CLIP1: variants seen among roughly 807,000 people sequenced by gnomAD.
The protein encoded by CLIP1 is CAP-Gly domain containing linker protein 1.
A neutral mutation model predicts 161.6 loss-of-function variants in CLIP1; 66 were observed. The observed-to-expected ratio is 0.41, with a 90% CI of 0.33 to 0.50. The LOEUF (loss-of-function observed/expected upper bound fraction) is 0.50. Ranked by LOEUF, CLIP1 falls within the 20% of genes least tolerant of loss-of-function variation. The pLI is 0.27. For missense variants in CLIP1, 1,376 were observed against 1,702.0 expected (o/e 0.81, Z 3.37); for synonymous variants, 598 against 626.2 (o/e 0.96, Z 0.67).
chr12:122,376,408 C>G (rs138894357), intron 3 of CLIP1, among the ~76,000 whole-genome samples: 81 of 152,096 alleles, frequency 5.3e-4, no homozygotes, highest in African/African-American at 1.9e-3. Context: ...GTGTTTCTGC[C>G]TGTCATGTGG....
At position 122,361,141 on chromosome 12, in the gene CLIP1, C is replaced by T. The variant is rs759362607; in HGVS notation, c.823G>A (p.Val275Ile). Residue 275 changes from valine (V) to isoleucine (I), a missense_variant, in exon 5 of 26, where the codon GTC becomes ATC. Physicochemically the swap from Val to Ile is conservative, Grantham distance 29 (BLOSUM62 3). Transcript: ENST00000620786. ...CQPKYGLFAP[V>I]HKVTKIGFPS... ...AAGCCAATCTTGGTAACTTTGTGGA[C>T]AGGAGCGAACAAGCCATATTTGGGT... 2 of 1,613,902 alleles carry T rather than the reference C, an allele frequency of 1.2e-6. No homozygotes were observed. Among genetic ancestry groups the T allele is most frequent in the African/African-American group, 1.3e-5 (1 of 74,946 alleles).
rs1011668084 is a variant in CLIP1 at position 122,355,521 on chromosome 12, G to C, written c.1006-209C>G. On this transcript the variant is annotated intron_variant, in intron 5 of 25. Coordinates refer to ENST00000620786, the MANE Select transcript of CLIP1 (RefSeq NM_001247997.2). The surrounding 1 kb of genome is among the most constrained non-coding windows in gnomAD (Gnocchi z 4.1). ...CTCACAAAGAATACATCAACGTAAA[G>C]AGATCAGCCAGGTGCGGTGGCTCAT... 2 of 554,774 alleles carry C rather than the reference G, an allele frequency of 3.6e-6. No homozygotes were observed. Among genetic ancestry groups the C allele is most frequent in the Non-Finnish European group, 6.5e-6 (2 of 309,082 alleles). The allele number at this position is 554,774 out of a possible 1,614,324, so 34.4% of individuals were successfully genotyped here.
At chr12:122,325,122 G>A (rs958221609) in intron 17 of CLIP1, among the ~76,000 whole-genome samples, 11 of 150,116 alleles carry the variant, frequency 7.3e-5, no homozygotes, top group Admixed American at 3.3e-4. Context: ...GCAATGGTGC[G>A]ATCTTGGCTC....
chr12:122,321,106 A>G (rs2136651649), intron 17 of CLIP1, among the ~76,000 whole-genome samples: 1 of 152,234 alleles, frequency 6.6e-6, no homozygotes, highest in South Asian at 2.1e-4. Flanking sequence ...AAAGTTTATG[A>G]AAATTCTGCA....
intron 5 of CLIP1, 38 bp downstream of exon 5, chr12:122,360,921 C>T: frequency 1.3e-6 from 2 of 1,553,602 alleles, no homozygotes; most frequent in Non-Finnish European, 1.7e-6. Context: ...TTAATCCTGC[C>T]TGGGAAGTGG....
rs567047509 is a variant in CLIP1, at chr12:122,415,606, G to A, written c.-107+6915C>T. Reference sequence around the variant, plus strand: ...GGCCAAGGCGGGTGGATCACCTGAGGTCAGGAGTTTGAGACCAACCTGGCC... The same window carrying A: ...GGCCAAGGCGGGTGGATCACCTGAGATCAGGAGTTTGAGACCAACCTGGCC... On this transcript the variant is annotated intron_variant, in intron 1 of 25. Coordinates refer to ENST00000620786, the MANE Select transcript of CLIP1 (RefSeq NM_001247997.2). Among the ~76,000 whole-genome samples, 4 of 152,170 alleles carry A rather than the reference G, an allele frequency of 2.6e-5. No individual in the cohort carries two copies. In the East Asian group the frequency reaches 7.7e-4, roughly 29 times the overall value.
chr12:122,296,781 T>C (rs1327496614), intron 20 of CLIP1, among the ~76,000 whole-genome samples: 2 of 151,212 alleles, frequency 1.3e-5, no homozygotes, highest in African/African-American at 4.9e-5. Flanking sequence ...GGAGGATTCC[T>C]TGAGCCTTAT....
Position 122,355,469 on chromosome 12 carries a change from G to A in CLIP1, c.1006-157C>T. 1 of 619,310 alleles carries A rather than the reference G, an allele frequency of 1.6e-6. No homozygotes were observed. Among genetic ancestry groups the A allele is most frequent in the Non-Finnish European group, 2.9e-6 (1 of 347,236 alleles). 38.4% of individuals were successfully genotyped at this position (619,310 alleles called of 1,614,324 possible). On this transcript the variant is annotated intron_variant, in intron 5 of 25. Transcript: ENST00000620786. The surrounding 1 kb of genome is among the most constrained non-coding windows in gnomAD (Gnocchi z 4.1). The stretch of plus-strand genomic sequence containing the variant: ...AGGAAAGGCTTCCTCAAAAACACAA[G>A]ACAGTGTGTGCCTTCTGTCTATAAA...
intron 3 of CLIP1, chr12:122,365,419 T>C: frequency 1.3e-6 from 1 of 790,212 alleles, no homozygotes; most frequent in Non-Finnish European, 2.3e-6. Context: ...AGAGAAATAA[T>C]GTGCGTATGG....
intron 10 of CLIP1, among the ~76,000 whole-genome samples, chr12:122,345,039 G>A (rs1441857203): frequency 6.6e-6 from 1 of 151,292 alleles, no homozygotes; most frequent in Admixed American, 6.6e-5. Flanking sequence ...AGATACGGGA[G>A]AGGAGTTTAC....
intron 21 of CLIP1, among the ~76,000 whole-genome samples, chr12:122,282,951 A>G (rs1488696396): frequency 1.3e-5 from 2 of 152,180 alleles, no homozygotes; most frequent in African/African-American, 4.8e-5. Flanking sequence ...AGCAACCCAC[A>G]GTGAGCCGGA....
At chr12:122,310,675 A>T (rs1262161431) in intron 19 of CLIP1, among the ~76,000 whole-genome samples, 1 of 152,228 alleles carries the variant, frequency 6.6e-6, no homozygotes, top group African/African-American at 2.4e-5. Context: ...ACAATATTTG[A>T]TCACTAAATC....
At chr12:122,298,679 G>A (rs1950563888) in intron 20 of CLIP1, among the ~76,000 whole-genome samples, 1 of 152,084 alleles carries the variant, frequency 6.6e-6, no homozygotes, top group African/African-American at 2.4e-5. Context: ...GGGGCTGGGT[G>A]GTGGCACATG....
chr12:122,312,882 G>A (rs1405958974), intron 19 of CLIP1, among the ~76,000 whole-genome samples: 3 of 152,128 alleles, frequency 2.0e-5, no homozygotes, highest in Non-Finnish European at 4.4e-5. Flanking sequence ...CCCCATACAC[G>A]TTAAACCACG....
At chr12:122,312,703 G>A (rs1469128626) in intron 19 of CLIP1, among the ~76,000 whole-genome samples, 1 of 152,146 alleles carries the variant, frequency 6.6e-6, no homozygotes, top group East Asian at 1.9e-4. Flanking sequence ...GGTGGTGGCT[G>A]CAGTGAGCTG....
At chr12:122,378,009 A>G in intron 2 of CLIP1, 49 bp from the exon 3 acceptor site, 1 of 1,496,370 alleles carries the variant, frequency 6.7e-7, no homozygotes, top group East Asian at 2.3e-5. Flanking sequence ...CAAGCAGACA[A>G]CCTCTAACTT....
chr12:122,286,520 T>TAAA lies in CLIP1; in HGVS notation c.3647+1966_3647+1968dup, dbSNP rs57260606. Reference sequence around the variant, plus strand: ...TGGGTGATAGAGCAAGACTCTGTCTTAAAAAAAAAAAAAAAAAAAAAAAAA... The same window carrying TAAA: ...TGGGTGATAGAGCAAGACTCTGTCTTAAAAAAAAAAAAAAAAAAAAAAAAAAAA... On this transcript the variant is annotated intron_variant, in intron 21 of 25. Transcript: ENST00000620786. Among the ~76,000 whole-genome samples, 151 of 28,226 alleles carry TAAA rather than the reference T, an allele frequency of 5.3e-3. 8 individuals are homozygous for TAAA. Among genetic ancestry groups the TAAA allele is most frequent in the Non-Finnish European group, 7.4e-3 (103 of 14,008 alleles). The allele number at this position is 28,226 out of a possible 152,430, so 18.5% of individuals were successfully genotyped here.
chr12:122,373,650 A>T (rs947756923), intron 3 of CLIP1, among the ~76,000 whole-genome samples: 8 of 152,110 alleles, frequency 5.3e-5, no homozygotes, highest in Non-Finnish European at 1.0e-4. Context: ...CCCTTGACTC[A>T]AATTTCATTT....
At chr12:122,405,925 G>A (rs7305360) in intron 1 of CLIP1, among the ~76,000 whole-genome samples, 93,058 of 151,696 alleles carry the variant, frequency 0.61, 28,944 homozygotes, top group Non-Finnish European at 0.64. Flanking sequence ...AAAATTAGCC[G>A]GGCATGGCGG....
Sources: allele counts gnomAD v4.1 joint callset (sites outside exome capture counted in the v4.1 genomes callset), GRCh38; gene constraint gnomAD v4.1.1; non-coding constraint Gnocchi (gnomAD v3.1); transcripts MANE v1.5; gene names NCBI Gene and HGNC (gene_info 2026-07-23, HGNC 2026-07-21).